The following CHLSN variants were observed in gnomAD, a reference collection of about 807,000 sequenced individuals.
The protein encoded by CHLSN is cholesin.
the CHLSN span, among the ~76,000 whole-genome samples, chr7:1,094,087 G>C: frequency 6.6e-6 from 1 of 152,248 alleles, no homozygotes; most frequent in South Asian, 2.1e-4. Flanking sequence ...TTGTCCAGCA[G>C]CCTGTGCGAC....
the CHLSN span, among the ~76,000 whole-genome samples, chr7:1,004,406 AC>A: frequency 6.6e-6 from 1 of 152,132 alleles, no homozygotes; most frequent in Non-Finnish European, 1.5e-5. Context: ...CCCAGAGCCC[AC>A]GCACGGTGAG....
the CHLSN span, among the ~76,000 whole-genome samples, chr7:1,071,010 A>G: frequency 6.6e-6 from 1 of 150,484 alleles, no homozygotes; most frequent in Non-Finnish European, 1.5e-5. Flanking sequence ...GCACACGCAC[A>G]TGCACACACA....
At chr7:1,008,661 C>G in the CHLSN span, among the ~76,000 whole-genome samples, 2 of 152,170 alleles carry the variant, frequency 1.3e-5, no homozygotes, top group African/African-American at 4.8e-5. Context: ...GAGCCCGGCG[C>G]TGAGCCTGGT....
At chr7:1,117,520 A>T in the CHLSN span, among the ~76,000 whole-genome samples, 4 of 136,280 alleles carry the variant, frequency 2.9e-5, no homozygotes, top group African/African-American at 1.2e-4. Context: ...GGATGATGAC[A>T]TCACTACAGC....
chr7:1,010,795 G>A, the CHLSN span, among the ~76,000 whole-genome samples: 4 of 152,130 alleles, frequency 2.6e-5, no homozygotes, highest in African/African-American at 9.7e-5. Flanking sequence ...CGTCAAAGCC[G>A]GGGCAGCCGG....
chr7:1,014,787 C>T, the CHLSN span, among the ~76,000 whole-genome samples: 37 of 152,332 alleles, frequency 2.4e-4, no homozygotes, highest in South Asian at 6.6e-3. Flanking sequence ...CCACATTGGC[C>T]GCCGGCCACG....
At chr7:1,116,919 T>C in the CHLSN span, among the ~76,000 whole-genome samples, 23 of 20,554 alleles carry the variant, frequency 1.1e-3, no homozygotes, top group East Asian at 2.0e-3. Context: ...ATCACTGCAG[T>C]TCTAGGACCG....
the CHLSN span, chr7:1,045,963 G>C: frequency 6.6e-6 from 1 of 152,302 alleles, no homozygotes; most frequent in Non-Finnish European, 1.5e-5. Context: ...ATGTAAATGT[G>C]AAAGTTGACT....
At chr7:1,094,446 G>T in the CHLSN span, among the ~76,000 whole-genome samples, 38 of 152,320 alleles carry the variant, frequency 2.5e-4, 1 homozygote, top group Admixed American at 2.5e-3. Context: ...TTTTTTATTT[G>T]TGATAACATA....
chr7:988,514 G>A, the CHLSN span: 1 of 1,598,928 alleles, frequency 6.3e-7, no homozygotes, highest in Non-Finnish European at 8.5e-7. Context: ...CCCACCTCCT[G>A]ATCTCAGGTT....
At chr7:1,071,860 T>C in the CHLSN span, among the ~76,000 whole-genome samples, 1 of 152,242 alleles carries the variant, frequency 6.6e-6, no homozygotes, top group Admixed American at 6.5e-5. Context: ...GGAGCCAGCC[T>C]AGGACACCTT....
chr7:1,098,539 C>T, the CHLSN span, among the ~76,000 whole-genome samples: 2 of 152,130 alleles, frequency 1.3e-5, no homozygotes, highest in African/African-American at 4.8e-5. Flanking sequence ...AAAGCAGACA[C>T]GAGTGGAGAC....
At chr7:1,136,173 A>C in the CHLSN span, among the ~76,000 whole-genome samples, 6 of 108,718 alleles carry the variant, frequency 5.5e-5, no homozygotes, top group African/African-American at 2.5e-4. Flanking sequence ...AATATGTATA[A>C]ATATACATAA....
chr7:1,092,735 G>A, the CHLSN span: 1 of 1,613,650 alleles, frequency 6.2e-7, no homozygotes, highest in Non-Finnish European at 8.5e-7. Context: ...GACAAGCTGA[G>A]GCTGTACATT....
chr7:1,083,976 C>T, the CHLSN span, among the ~76,000 whole-genome samples: 17 of 152,368 alleles, frequency 1.1e-4, no homozygotes, highest in Admixed American at 7.2e-4. Flanking sequence ...CTGTGGGCCG[C>T]ACCACGTCCT....
At chr7:994,850 C>A in the CHLSN span, among the ~76,000 whole-genome samples, 1 of 152,252 alleles carries the variant, frequency 6.6e-6, no homozygotes, top group African/African-American at 2.4e-5. Context: ...CACAGCCCAT[C>A]GCTTATGGCC....
chr7:1,127,302 C>T, the CHLSN span: 2 of 1,611,806 alleles, frequency 1.2e-6, no homozygotes, highest in African/African-American at 2.7e-5. Flanking sequence ...CAGGGCCCAG[C>T]AGTGGCCCCT....
chr7:1,057,927 A>G, the CHLSN span: 5 of 774,524 alleles, frequency 6.5e-6, no homozygotes, highest in Non-Finnish European at 1.2e-5. Flanking sequence ...GCGGACCTAC[A>G]TGGCCAGCGT....
the CHLSN span, among the ~76,000 whole-genome samples, chr7:1,060,872 C>T: frequency 0.072 from 10,989 of 152,258 alleles, 449 homozygotes; most frequent in Admixed American, 0.11. Flanking sequence ...CCCTGGCATC[C>T]GATGAGGAAG....
Sources: allele counts gnomAD v4.1 joint callset (sites outside exome capture counted in the v4.1 genomes callset), GRCh38; gene constraint gnomAD v4.1.1; transcripts MANE v1.5; gene names NCBI Gene and HGNC (gene_info 2026-07-23, HGNC 2026-07-21).